Variants in CD5 observed in about 807,000 individuals in gnomAD.
CD5 encodes CD5 molecule.
Under a neutral mutation model 60.3 loss-of-function variants are expected in CD5, and 36 were observed. The observed-to-expected ratio is 0.60, with a 90% CI of 0.46 to 0.79. The LOEUF (loss-of-function observed/expected upper bound fraction) is 0.79, where lower values mean the gene tolerates loss of function less well. Among genes scored for constraint, CD5 ranks in the 30% least tolerant of loss-of-function variants. The pLI, the probability that CD5 is intolerant of heterozygous loss-of-function variation, is 0.00. For missense variants in CD5, 540 were observed against 630.6 expected (o/e 0.86, Z 1.54); for synonymous variants, 230 against 257.6 (o/e 0.89, Z 1.03).
intron 2 of CD5, 48 bp downstream of exon 2, chr11:61,115,142 G>A: frequency 6.6e-7 from 1 of 1,522,212 alleles, no homozygotes; most frequent in Non-Finnish European, 8.9e-7. Flanking sequence ...GGGAGAGTGG[G>A]GCTGTGGTTT....
Position 61,125,061 on chromosome 11 carries a change from G to A in CD5, c.1309G>A (p.Val437Ile), listed in dbSNP as rs560589995. 16 of 1,614,050 alleles carry A rather than the reference G, an allele frequency of 9.9e-6. No individual in the cohort carries two copies. Among genetic ancestry groups the A allele is most frequent in the African/African-American group, 8.0e-5 (6 of 75,012 alleles). Residue 437 changes from valine (V) to isoleucine (I), a missense_variant, in exon 9 of 11, where the codon GTC (valine) becomes ATC (isoleucine). By Grantham distance (29) the Val-to-Ile change is conservative. Coordinates refer to ENST00000347785, the MANE Select transcript of CD5 (RefSeq NM_014207.4). ...MSFHRNHTATVRSHAENPTAS... is the reference protein window; with the variant it reads ...MSFHRNHTATIRSHAENPTAS... Reference sequence around the variant, plus strand: ...TTTCCATCGCAACCACACGGCAACCGTCCGATCCCATGCTGAGAACCCCAC... The same window carrying A: ...TTTCCATCGCAACCACACGGCAACCATCCGATCCCATGCTGAGAACCCCAC...
upstream of CD5, chr11:61,102,395 A>C (rs1416326206): frequency 4.9e-6 from 3 of 607,574 alleles, no homozygotes; most frequent in African/African-American, 5.6e-5. Context: ...TTGACAGTTC[A>C]ACTTCAAACA....
Position 61,119,315 on chromosome 11 carries a change from G to C in CD5, c.545G>C (p.Gly182Ala), listed in dbSNP as rs752377053. The change falls in exon 5 of 11, where the codon GGG becomes GCG. Residue 182 changes from glycine (G) to alanine (A), a missense_variant. By Grantham distance (60) the Gly-to-Ala change is moderately conservative. Coordinates refer to ENST00000347785, the MANE Select transcript of CD5 (RefSeq NM_014207.4). ...GVVEFYSGSLGGTISYEAQDK... is the reference protein window; with the variant it reads ...GVVEFYSGSLAGTISYEAQDK... Reference sequence around the variant, plus strand: ...GTGGAGTTCTACAGCGGCAGCCTGGGGGGTACCATCAGCTATGAGGCCCAG... The same window carrying C: ...GTGGAGTTCTACAGCGGCAGCCTGGCGGGTACCATCAGCTATGAGGCCCAG... The C allele has an allele frequency of 2.5e-6, 4 of 1,613,990 alleles. No individual in the cohort carries two copies. The Admixed American group carries it at 5.0e-5, about 20-fold the overall frequency.
rs529689450 is a variant in CD5 at position 61,114,302 on chromosome 11, T to TA, written c.56-747dup. Among the ~76,000 whole-genome samples the TA allele has an allele frequency of 3.3e-5, 5 of 152,126 alleles. No individual in the cohort carries two copies. The East Asian group carries it at 9.7e-4, about 29-fold the overall frequency. Reference sequence around the variant, plus strand: ...TCTCTATTCTACTCCATTTCATTTTTAAAAAAATTGATGGCCTGAGTGCTG... The same window carrying TA: ...TCTCTATTCTACTCCATTTCATTTTTAAAAAAAATTGATGGCCTGAGTGCTG... On this transcript the variant is annotated intron_variant, in intron 1 of 10. Coordinates refer to ENST00000347785, the MANE Select transcript of CD5 (RefSeq NM_014207.4).
intron 2 of CD5, among the ~76,000 whole-genome samples, chr11:61,115,951 GCAA>G (rs773768219): frequency 2.6e-5 from 4 of 152,300 alleles, no homozygotes; most frequent in Non-Finnish European, 4.4e-5. Flanking sequence ...TGGTGAAGCG[GCAA>G]CGAGCCAGCT....
At chr11:61,122,846 C>T in intron 6 of CD5, 61 bp from the exon 7 acceptor site, 1 of 1,524,418 alleles carries the variant, frequency 6.6e-7, no homozygotes, top group Non-Finnish European at 8.9e-7. Flanking sequence ...CCAGCAGCTT[C>T]CCTCCCACAG....
At chr11:61,110,864 A>T (rs12575423) in intron 1 of CD5, among the ~76,000 whole-genome samples, 1 of 152,134 alleles carries the variant, frequency 6.6e-6, no homozygotes, top group African/African-American at 2.4e-5. Flanking sequence ...GGTGATGGTG[A>T]CAGTGATGGT....
chr11:61,111,577 C>G (rs1860856517), intron 1 of CD5, among the ~76,000 whole-genome samples: 1 of 152,226 alleles, frequency 6.6e-6, no homozygotes, highest in Non-Finnish European at 1.5e-5. Context: ...CCATTGTAAG[C>G]TGAAAACATC....
intron 4 of CD5, 72 bp from the exon 5 acceptor site, chr11:61,119,162 C>A: frequency 2.1e-6 from 3 of 1,428,414 alleles, no homozygotes; most frequent in African/African-American, 1.4e-5. Context: ...AAGTTGGGGC[C>A]AAACAGCAAG....
chr11:61,125,708 G>A (rs935755652), intron 9 of CD5, 43 bp from the exon 10 acceptor site: 3 of 1,435,200 alleles, frequency 2.1e-6, no homozygotes, highest in African/African-American at 1.4e-5. Flanking sequence ...GGGGCTCTGT[G>A]GAGTCAAAAA....
chr11:61,096,058 G>A, the CD5 span, among the ~76,000 whole-genome samples: 6 of 152,256 alleles, frequency 3.9e-5, no homozygotes, highest in East Asian at 1.9e-4. Context: ...AGAGAAAGCC[G>A]TAAGGAAGGC....
upstream of CD5, among the ~76,000 whole-genome samples, chr11:61,101,911 TACACACACAC>T (rs35648034): frequency 6.5e-4 from 93 of 142,462 alleles, no homozygotes; most frequent in African/African-American, 2.2e-3. Context: ...TCTCTCTCTC[TACACACACAC>T]ACACACACAC....
chr11:61,115,165 G>A (rs1051711021), intron 2 of CD5, 71 bp downstream of exon 2: 39 of 1,405,862 alleles, frequency 2.8e-5, no homozygotes, highest in African/African-American at 1.6e-4. Context: ...TCAGGCCATC[G>A]GGGACCTCTC....
chr11:61,116,661 A>C, intron 2 of CD5, among the ~76,000 whole-genome samples: 1 of 141,534 alleles, frequency 7.1e-6, no homozygotes, highest in Non-Finnish European at 1.5e-5. Context: ...CACACACCAC[A>C]CACACCACAC....
chr11:61,106,124 CAAAAAAAAA>C (rs36003583), intron 1 of CD5, among the ~76,000 whole-genome samples: 2 of 81,888 alleles, frequency 2.4e-5, no homozygotes, highest in African/African-American at 4.6e-5. Context: ...GACTCCATCT[CAAAAAAAAA>C]AAAAAAAAAA....
intron 5 of CD5, 38 bp downstream of exon 5, chr11:61,119,613 C>A: frequency 6.8e-7 from 1 of 1,473,392 alleles, no homozygotes; most frequent in Non-Finnish European, 9.3e-7. Flanking sequence ...ACACCTTCTG[C>A]TGCCCTAGGT....
intron 7 of CD5, 35 bp downstream of exon 7, chr11:61,123,067 C>T (rs771893006): frequency 3.0e-5 from 47 of 1,568,842 alleles, no homozygotes; most frequent in Middle Eastern, 3.3e-4. Flanking sequence ...TCCGTTCCCA[C>T]GTGCAGAGAC....
chr11:61,113,626 GCA>G (rs908384482), intron 1 of CD5, among the ~76,000 whole-genome samples: 8 of 152,270 alleles, frequency 5.3e-5, no homozygotes, highest in African/African-American at 1.9e-4. Flanking sequence ...CTAGAAAGTA[GCA>G]AATGTTCTCT....
chr11:61,108,041 G>A (rs2134595398), intron 1 of CD5, among the ~76,000 whole-genome samples: 1 of 152,316 alleles, frequency 6.6e-6, no homozygotes, highest in Non-Finnish European at 1.5e-5. Context: ...CCAGCTAGCT[G>A]TGTGACCTTG....
Sources: allele counts gnomAD v4.1 joint callset (sites outside exome capture counted in the v4.1 genomes callset), GRCh38; gene constraint gnomAD v4.1.1; transcripts MANE v1.5; gene names NCBI Gene and HGNC (gene_info 2026-07-23, HGNC 2026-07-21).